Variants in UPP2 observed in about 807,000 individuals in gnomAD.
The protein encoded by UPP2 is UPase 2.
A neutral mutation model predicts 26.7 loss-of-function variants in UPP2; 23 were observed. The ratio of observed to expected loss-of-function variants is 0.86; its 90% CI spans 0.62 to 1.22. UPP2 has a LOEUF of 1.22. UPP2 is among the 50% of genes most tolerant of loss of function. UPP2 has a pLI of 0.00. For missense variants in UPP2, 387 were observed against 396.7 expected (o/e 0.98, Z 0.21); for synonymous variants, 127 against 141.3 (o/e 0.90, Z 0.72).
At chr2:158,000,022 G>T (rs1683380387) in intron 2 of UPP2, among the ~76,000 whole-genome samples, 1 of 152,036 alleles carries the variant, frequency 6.6e-6, no homozygotes, top group South Asian at 2.1e-4. Context: ...ATGTAAGAAT[G>T]GTAGAAAAGA....
intron 3 of UPP2, among the ~76,000 whole-genome samples, chr2:158,020,303 G>A (rs1479519891): frequency 5.3e-5 from 8 of 152,154 alleles, no homozygotes; most frequent in Non-Finnish European, 7.4e-5. Context: ...GCAAAGTGGC[G>A]TTAGTTCCAG....
chr2:158,073,073 A>T (rs1682569940), intron 3 of UPP2, among the ~76,000 whole-genome samples: 1 of 152,170 alleles, frequency 6.6e-6, no homozygotes, highest in South Asian at 2.1e-4. Context: ...AGCTCAAAGA[A>T]ATTCAAGGTA....
chr2:158,007,255 C>T (rs558360403), intron 2 of UPP2, among the ~76,000 whole-genome samples: 1 of 152,322 alleles, frequency 6.6e-6, no homozygotes, highest in South Asian at 2.1e-4. Context: ...GTGAAAAACA[C>T]CAAGTCGGAG....
chr2:158,001,802 T>C (rs1260422016), intron 2 of UPP2, among the ~76,000 whole-genome samples: 3 of 151,920 alleles, frequency 2.0e-5, no homozygotes, highest in Non-Finnish European at 4.4e-5. Context: ...CATAGTCTGG[T>C]ATTTAAGAAA....
intron 3 of UPP2, among the ~76,000 whole-genome samples, chr2:158,076,230 T>A (rs1682628931): frequency 6.6e-6 from 1 of 151,976 alleles, no homozygotes; most frequent in African/African-American, 2.4e-5. Flanking sequence ...ACTGCTGAGT[T>A]TTATCAAACA....
chr2:158,037,653 C>T (rs1684024736), intron 3 of UPP2, among the ~76,000 whole-genome samples: 1 of 152,106 alleles, frequency 6.6e-6, no homozygotes. Flanking sequence ...TCTGGTCCAT[C>T]TTCCATGGTG....
chr2:158,054,479 A>G (rs1277125543), intron 3 of UPP2, among the ~76,000 whole-genome samples: 2 of 151,676 alleles, frequency 1.3e-5, no homozygotes, highest in African/African-American at 2.4e-5. Context: ...TTGGAGAATC[A>G]TGGGCTTTGC....
upstream of UPP2, among the ~76,000 whole-genome samples, chr2:158,098,250 C>T (rs116727649): frequency 5.3e-5 from 8 of 152,030 alleles, no homozygotes; most frequent in Non-Finnish European, 8.8e-5. Context: ...CGGTGACCAC[C>T]CACCCTTGGG....
chr2:158,126,343 T>C (rs950489844), intron 6 of UPP2: 1 of 152,256 alleles, frequency 6.6e-6, no homozygotes, highest in African/African-American at 2.4e-5. Context: ...CCCAGGCCAC[T>C]GCTGCAGCCT....
intron 2 of UPP2, among the ~76,000 whole-genome samples, chr2:158,012,449 G>A (rs10186068): frequency 0.03 from 4,538 of 151,782 alleles, 97 homozygotes; most frequent in African/African-American, 0.056. Flanking sequence ...TGTATTTTTA[G>A]TAGAGACGGG....
Position 158,058,945 on chromosome 2 carries a change from C to T in UPP2, c.147+43059C>T, listed in dbSNP as rs189693687. On this transcript the variant is annotated intron_variant, in intron 3 of 9. Coordinates refer to the UPP2 transcript ENST00000605860. ...ATTGCCCAGGTCAAGCAAAGATTTC[C>T]TGGTTAAAGATTCAAGTGGTTAAGG... Among the ~76,000 whole-genome samples, 90 of 152,176 alleles carry T rather than the reference C, an allele frequency of 5.9e-4. 2 individuals are homozygous for T. In the East Asian group the frequency reaches 0.014, roughly 25 times the overall value.
In UPP2 at chr2:158,116,984, C is replaced by T. The variant is rs544821865; in HGVS notation, c.340-840C>T. On this transcript the variant is annotated intron_variant, in intron 3 of 6. Transcript: ENST00000005756. ...AGCTCAGGTGAAAACATCATGGTCA[C>T]GGCCAATGGTTTTCCAAAGTCTTTG... is the stretch of plus-strand genomic sequence containing the variant. Among the ~76,000 whole-genome samples the T allele has an allele frequency of 3.0e-4, 45 of 152,104 alleles. 1 individual carries two copies. In the South Asian group the frequency reaches 8.1e-3, roughly 27 times the overall value.
Position 158,115,221 on chromosome 2 carries a change from T to G in UPP2, c.301T>G (p.Tyr101Asp). The G allele has an allele frequency of 6.2e-7, 1 of 1,613,054 alleles. No homozygotes were observed. Among genetic ancestry groups the G allele is most frequent in the Non-Finnish European group, 8.5e-7 (1 of 1,179,566 alleles). The stretch of plus-strand genomic sequence containing the variant: ...AGACATCTGTGCTGGGACAGACAGA[T>G]ACTGTATGTACAAAACCGGGCCTGT... Reference protein sequence around the residue: ...IKDICAGTDRYCMYKTGPVLA... With the variant: ...IKDICAGTDRDCMYKTGPVLA... Residue 101 changes from tyrosine (Y) to aspartate (D), a missense_variant, in exon 3 of 7, where the codon TAC becomes GAC. Coordinates refer to ENST00000005756, the MANE Select transcript of UPP2 (RefSeq NM_173355.4).
intron 3 of UPP2, among the ~76,000 whole-genome samples, chr2:158,091,723 G>T (rs1574285732): frequency 6.6e-6 from 1 of 152,238 alleles, no homozygotes; most frequent in East Asian, 1.9e-4. Flanking sequence ...CCCTCACTGG[G>T]GTGACGAGGT....
intron 3 of UPP2, among the ~76,000 whole-genome samples, chr2:158,036,087 GAAA>G (rs1558910377): frequency 3.3e-5 from 5 of 152,112 alleles, no homozygotes; most frequent in Non-Finnish European, 7.3e-5. Context: ...CACAAGCTTG[GAAA>G]GTAGCAGTGA....
At chr2:158,111,106 G>A (rs1359570784) in intron 2 of UPP2, among the ~76,000 whole-genome samples, 1 of 152,168 alleles carries the variant, frequency 6.6e-6, no homozygotes, top group African/African-American at 2.4e-5. Flanking sequence ...AAATGGTATT[G>A]CCTAGGTTTT....
chr2:158,076,649 G>T (rs1682634944), intron 3 of UPP2, among the ~76,000 whole-genome samples: 1 of 151,856 alleles, frequency 6.6e-6, no homozygotes, highest in South Asian at 2.1e-4. Flanking sequence ...TCAAAAAACT[G>T]GGTATAAGAG....
At position 158,103,463 on chromosome 2, in the gene UPP2, G is replaced by A. The variant is rs7568699; in HGVS notation, c.62+1338G>A. The stretch of plus-strand genomic sequence containing the variant: ...GACCAAGTCAATCCAAATTTCTAGA[G>A]ATAGGGTCTAGGGATAAGTACTCTT... On this transcript the variant is annotated intron_variant, in intron 1 of 6. Coordinates refer to ENST00000005756, the MANE Select transcript of UPP2 (RefSeq NM_173355.4). Among the ~76,000 whole-genome samples the A allele has an allele frequency of 2.3e-3, 348 of 152,266 alleles. 1 individual carries two copies. Among genetic ancestry groups the A allele is most frequent in the African/African-American group, 7.8e-3 (326 of 41,556 alleles).
At chr2:158,123,388 T>C (rs1315035307) in intron 5 of UPP2, among the ~76,000 whole-genome samples, 1 of 152,000 alleles carries the variant, frequency 6.6e-6, no homozygotes, top group Admixed American at 6.6e-5. Context: ...CCCTGGGCCA[T>C]TCCCCAGTCA....
Sources: allele counts gnomAD v4.1 joint callset (sites outside exome capture counted in the v4.1 genomes callset), GRCh38; gene constraint gnomAD v4.1.1; transcripts MANE v1.5; gene names NCBI Gene and HGNC (gene_info 2026-07-23, HGNC 2026-07-21).